Variants in STK39 observed in about 807,000 individuals in gnomAD.
STK39 encodes the protein serine/threonine kinase 39, also known as STE20/SPS1-related proline-alanine-rich protein kinase.
A neutral mutation model predicts 77.8 loss-of-function variants in STK39; 20 were observed. The observed-to-expected ratio is 0.26, with a 90% CI of 0.18 to 0.37. The LOEUF (loss-of-function observed/expected upper bound fraction) is 0.37, where lower values mean the gene tolerates loss of function less well. STK39 is among the 10% of genes least tolerant of loss of function. The pLI, the probability that STK39 is intolerant of heterozygous loss-of-function variation, is 1.00. For missense variants in STK39, 479 were observed against 656.5 expected (o/e 0.73, Z 2.95); for synonymous variants, 246 against 234.1 (o/e 1.05, Z -0.47).
intron 10 of STK39, among the ~76,000 whole-genome samples, chr2:168,076,210 T>C (rs1327212091): frequency 6.6e-6 from 1 of 152,046 alleles, no homozygotes; most frequent in Non-Finnish European, 1.5e-5. Context: ...ATTTTACAGA[T>C]GAGGAGATGG....
intron 16 of STK39, among the ~76,000 whole-genome samples, chr2:168,003,897 G>C (rs1258768197): frequency 6.6e-6 from 1 of 152,196 alleles, no homozygotes; most frequent in East Asian, 1.9e-4. Flanking sequence ...GAATATCACA[G>C]CATAATCACT....
intron 4 of STK39, among the ~76,000 whole-genome samples, chr2:168,162,899 T>C (rs1446605210): frequency 6.6e-6 from 1 of 151,792 alleles, no homozygotes; most frequent in Non-Finnish European, 1.5e-5. Context: ...TGGTGCCGCA[T>C]GCCTGTAATC....
intron 1 of STK39, among the ~76,000 whole-genome samples, chr2:168,235,611 C>T (rs147346669): frequency 0.18 from 20,116 of 110,092 alleles, 2,193 homozygotes; most frequent in African/African-American, 0.33. Flanking sequence ...CCCCTCCCCC[C>T]ACCCCACAAC....
At chr2:168,109,457 C>T (rs1392307750) in intron 10 of STK39, among the ~76,000 whole-genome samples, 1 of 152,164 alleles carries the variant, frequency 6.6e-6, no homozygotes, top group Non-Finnish European at 1.5e-5. Context: ...TGTGGATAGA[C>T]AGCATTTACT....
chr2:168,039,810 T>G (rs1685057982), intron 14 of STK39, among the ~76,000 whole-genome samples: 1 of 152,208 alleles, frequency 6.6e-6, no homozygotes, highest in East Asian at 1.9e-4. Context: ...ATATATAAAT[T>G]ATACTGCAAT....
chr2:168,138,365 T>G (rs898627410), intron 7 of STK39, 144 bp from the exon 8 acceptor site: 2 of 1,143,066 alleles, frequency 1.7e-6, no homozygotes, highest in Non-Finnish European at 1.2e-6. Context: ...AGAAATTGTG[T>G]ATTTAAAGTA....
At chr2:168,033,610 C>T (rs1052800396) in intron 14 of STK39, among the ~76,000 whole-genome samples, 4 of 152,288 alleles carry the variant, frequency 2.6e-5, no homozygotes, top group African/African-American at 9.6e-5. Context: ...GTACAATACA[C>T]TTATTTTATT....
At chr2:168,102,056 T>G (rs1055919798) in intron 10 of STK39, among the ~76,000 whole-genome samples, 6 of 152,210 alleles carry the variant, frequency 3.9e-5, no homozygotes, top group African/African-American at 1.4e-4. Context: ...TTCTTTCCAT[T>G]CATTAGTTGA....
At chr2:167,962,617 T>C (rs187404612) in intron 17 of STK39, among the ~76,000 whole-genome samples, 303 of 152,338 alleles carry the variant, frequency 2.0e-3, no homozygotes, top group Admixed American at 2.9e-3. Flanking sequence ...AAAACTCCCC[T>C]GTGCCTGACA....
intron 1 of STK39, among the ~76,000 whole-genome samples, chr2:168,242,065 T>C (rs1690772238): frequency 6.6e-6 from 1 of 152,120 alleles, no homozygotes. Context: ...ATATCACTAG[T>C]TAAAAATCAA....
At position 168,001,901 on chromosome 2, in the gene STK39, CA is replaced by C. The variant is rs1684011051; in HGVS notation, c.1498+10732del. Among the ~76,000 whole-genome samples, 3 of 152,228 alleles carry C rather than the reference CA, an allele frequency of 2.0e-5. No homozygotes were observed. In the South Asian group the frequency reaches 6.2e-4, roughly 31 times the overall value. On this transcript the variant is annotated intron_variant, in intron 16 of 17. Transcript: ENST00000355999. Reference sequence around the variant, plus strand: ...GTCATCACAAAGACTAGGTTTCCTGCACCAAAGTAAGCCTACTTTACTTCCA... The same window carrying C: ...GTCATCACAAAGACTAGGTTTCCTGCCCAAAGTAAGCCTACTTTACTTCCA...
Position 168,012,625 on chromosome 2 carries a change from A to T in STK39, c.1498+9T>A. 6.2e-7 allele frequency: 1 copy of T among 1,612,628 alleles called. No homozygotes were observed. Among genetic ancestry groups the T allele is most frequent in the Non-Finnish European group, 8.5e-7 (1 of 1,179,366 alleles). On this transcript the variant is annotated intron_variant, in intron 16 of 17. Transcript: ENST00000355999. ...ACAAAATGACAGTGCATACTAAAAA[A>T]CAATTTACCTATAACTACATCGTGA...
At chr2:168,209,710 G>A (rs1689835779) in intron 1 of STK39, among the ~76,000 whole-genome samples, 1 of 150,242 alleles carries the variant, frequency 6.7e-6, no homozygotes, top group Non-Finnish European at 1.5e-5. Context: ...AGAAACTAAT[G>A]TAATTAGGCT....
chr2:168,016,495 G>A (rs910472879), intron 15 of STK39, among the ~76,000 whole-genome samples: 1 of 151,902 alleles, frequency 6.6e-6, no homozygotes, highest in South Asian at 2.1e-4. Context: ...GGCTTCTGTG[G>A]ACATCTGAGT....
intron 10 of STK39, among the ~76,000 whole-genome samples, chr2:168,077,610 T>G (rs1239153948): frequency 6.6e-6 from 1 of 152,202 alleles, no homozygotes; most frequent in Non-Finnish European, 1.5e-5. Flanking sequence ...GGAATAGTAT[T>G]GGTAAAATTG....
intron 14 of STK39, among the ~76,000 whole-genome samples, chr2:168,057,566 A>G (rs1239220812): frequency 6.6e-6 from 1 of 152,120 alleles, no homozygotes; most frequent in African/African-American, 2.4e-5. Context: ...ACACGCATGC[A>G]CGCGCACACA....
intron 14 of STK39, among the ~76,000 whole-genome samples, chr2:168,040,227 T>C (rs1461105181): frequency 1.3e-5 from 2 of 152,290 alleles, no homozygotes; most frequent in South Asian, 4.1e-4. Flanking sequence ...TGGATAAATG[T>C]ACAGGTGGAC....
At chr2:168,055,192 A>C (rs1685492531) in intron 14 of STK39, among the ~76,000 whole-genome samples, 1 of 152,242 alleles carries the variant, frequency 6.6e-6, no homozygotes, top group Non-Finnish European at 1.5e-5. Flanking sequence ...TTGACCGGTA[A>C]GAATTATACA....
intron 10 of STK39, among the ~76,000 whole-genome samples, chr2:168,078,696 C>T (rs1046941188): frequency 7.3e-5 from 11 of 150,712 alleles, no homozygotes; most frequent in African/African-American, 2.7e-4. Flanking sequence ...GAAATACTGA[C>T]CAAAACTTAG....
Sources: allele counts gnomAD v4.1 joint callset (sites outside exome capture counted in the v4.1 genomes callset), GRCh38; gene constraint gnomAD v4.1.1; transcripts MANE v1.5; gene names NCBI Gene and HGNC (gene_info 2026-07-23, HGNC 2026-07-21).